GOLM2: variants seen among roughly 807,000 people sequenced by gnomAD.
GOLM2 encodes the protein protein GOLM2.
A neutral mutation model predicts 55.9 loss-of-function variants in GOLM2; 26 were observed. The observed-to-expected ratio is 0.47, with a 90% CI of 0.34 to 0.65. The LOEUF (loss-of-function observed/expected upper bound fraction) is 0.65. GOLM2 is among the 30% of genes least tolerant of loss of function. The pLI is 0.01. For missense variants in GOLM2, 486 were observed against 531.8 expected, an observed-to-expected ratio of 0.91 and a Z score of 0.85; for synonymous variants, 165 against 194.6, an observed-to-expected ratio of 0.85 and a Z score of 1.27.
At chr15:44,405,306 C>G (rs1242011466) in intron 9 of GOLM2, 3 of 152,178 alleles carry the variant, frequency 2.0e-5, no homozygotes, top group Admixed American at 6.6e-5. Flanking sequence ...TTGGATTTCC[C>G]TATTTGCAAG....
intron 2 of GOLM2, 47 bp downstream of exon 2, chr15:44,323,066 G>C: frequency 8.0e-7 from 1 of 1,256,132 alleles, no homozygotes; most frequent in Admixed American, 2.5e-5. Context: ...GTCACTAAAT[G>C]CCTAAAATTG....
chr15:44,392,079 A>C (rs555980902), intron 8 of GOLM2, among the ~76,000 whole-genome samples: 1 of 151,828 alleles, frequency 6.6e-6, no homozygotes, highest in African/African-American at 2.4e-5. Flanking sequence ...TGAACTCCCA[A>C]CCTCAGGTGA....
intron 1 of GOLM2, among the ~76,000 whole-genome samples, chr15:44,312,364 T>A (rs1266768374): frequency 6.6e-6 from 1 of 152,092 alleles, no homozygotes; most frequent in African/African-American, 2.4e-5. Flanking sequence ...CCATTTAAAC[T>A]TTTTTTCTCC....
chr15:44,305,051 T>C (rs958325881), intron 1 of GOLM2, among the ~76,000 whole-genome samples: 1 of 152,146 alleles, frequency 6.6e-6, no homozygotes, highest in Non-Finnish European at 1.5e-5. Flanking sequence ...CAGGCTGGAG[T>C]ACAGTGGCAC....
At chr15:44,308,974 C>T (rs1419447264) in intron 1 of GOLM2, among the ~76,000 whole-genome samples, 2 of 152,108 alleles carry the variant, frequency 1.3e-5, no homozygotes, top group African/African-American at 2.4e-5. Flanking sequence ...GGGCAAAGGA[C>T]TGGAATAGAC....
At chr15:44,395,373 T>C (rs1046998288) in intron 8 of GOLM2, among the ~76,000 whole-genome samples, 3 of 151,976 alleles carry the variant, frequency 2.0e-5, no homozygotes, top group Admixed American at 6.6e-5. Context: ...ATCAGACTAA[T>C]GCAGCAAAAG....
intron 6 of GOLM2, among the ~76,000 whole-genome samples, chr15:44,378,231 A>G (rs1417713254): frequency 6.8e-6 from 1 of 148,044 alleles, no homozygotes; most frequent in African/African-American, 2.5e-5. Flanking sequence ...ATTTTTTTGT[A>G]TTTTTAATAG....
intron 1 of GOLM2, among the ~76,000 whole-genome samples, chr15:44,320,133 C>T (rs981554033): frequency 6.6e-6 from 1 of 152,142 alleles, no homozygotes; most frequent in African/African-American, 2.4e-5. Flanking sequence ...TTCTTTATGG[C>T]TTTACCTATT....
Position 44,375,707 on chromosome 15 carries a change from G to A in GOLM2, c.803-3983G>A, listed in dbSNP as rs57193420. ...GAGGTGGGAGGACTGCTTGAGCCCC[G>A]GAGGTCGGGGCTCCAGTCAGCTGTG... On this transcript the variant is annotated intron_variant, in intron 6 of 9. Coordinates refer to ENST00000299957, the MANE Select transcript of GOLM2 (RefSeq NM_138423.4). 1.2e-3 allele frequency among the ~76,000 whole-genome samples: 189 copies of A among 152,240 alleles called. 2 individuals carry two copies. Among genetic ancestry groups the A allele is most frequent in the African/African-American group, 4.5e-3 (185 of 41,542 alleles).
intron 6 of GOLM2, among the ~76,000 whole-genome samples, chr15:44,361,005 C>A (rs564932538): frequency 6.6e-6 from 1 of 150,836 alleles, no homozygotes; most frequent in South Asian, 2.1e-4. Flanking sequence ...TTGAAACCAA[C>A]GAGAACAAAG....
intron 1 of GOLM2, among the ~76,000 whole-genome samples, chr15:44,305,140 A>G (rs1017277215): frequency 2.0e-5 from 3 of 152,100 alleles, no homozygotes. Context: ...AGCTGGGACT[A>G]CAGGCACATG....
chr15:44,342,935 A>G (rs972283562), intron 6 of GOLM2, among the ~76,000 whole-genome samples: 1 of 152,220 alleles, frequency 6.6e-6, no homozygotes, highest in East Asian at 1.9e-4. Flanking sequence ...TTGCCCTTAT[A>G]TGTAAAATAG....
chr15:44,407,771 CTTT>C (rs1237254216), intron 9 of GOLM2, among the ~76,000 whole-genome samples: 7 of 135,774 alleles, frequency 5.2e-5, no homozygotes, highest in Non-Finnish European at 4.8e-5. Context: ...TTTCTTTTAT[CTTT>C]TTTTTTTTTT....
intron 1 of GOLM2, among the ~76,000 whole-genome samples, chr15:44,321,350 T>C (rs1274445903): frequency 6.6e-6 from 1 of 151,720 alleles, no homozygotes; most frequent in Non-Finnish European, 1.5e-5. Context: ...CAAATGCCTG[T>C]AGTCCCAGCT....
At chr15:44,390,201 G>T (rs774446386) in intron 8 of GOLM2, 3 of 152,232 alleles carry the variant, frequency 2.0e-5, no homozygotes, top group Non-Finnish European at 2.9e-5. Flanking sequence ...TGTAGGCTAT[G>T]TGGTGACACA....
At chr15:44,390,253 A>G (rs554385260) in intron 8 of GOLM2, 6 of 152,356 alleles carry the variant, frequency 3.9e-5, no homozygotes, top group Admixed American at 3.3e-4. Context: ...GACATCTTCC[A>G]AAATAGTTGA....
chr15:44,379,836 C>A (rs1595658984), intron 7 of GOLM2, 48 bp downstream of exon 7: 1 of 1,049,700 alleles, frequency 9.5e-7, no homozygotes, highest in Non-Finnish European at 1.5e-6. Context: ...ACTTACTAGT[C>A]ATGTACAGTT....
intron 1 of GOLM2, among the ~76,000 whole-genome samples, chr15:44,294,510 C>T (rs1003953185): frequency 7.3e-5 from 11 of 151,688 alleles, no homozygotes; most frequent in East Asian, 1.9e-4. Context: ...GTCAGGAGTT[C>T]GAGACCAGCC....
chr15:44,368,241 G>A (rs1052862430), intron 6 of GOLM2, among the ~76,000 whole-genome samples: 2 of 150,814 alleles, frequency 1.3e-5, no homozygotes, highest in Admixed American at 6.6e-5. Flanking sequence ...GGGTTCAGTC[G>A]ATCCTCCCAC....
Sources: gnomAD v4.1 joint callset for allele counts (sites outside exome capture counted in the v4.1 genomes callset) on GRCh38, gnomAD v4.1.1 for gene constraint, MANE v1.5 for transcripts, NCBI Gene and HGNC (gene_info 2026-07-23, HGNC 2026-07-21) for gene names.